Variants in HTR1F observed in about 807,000 individuals in gnomAD.
HTR1F encodes the protein 5-hydroxytryptamine receptor 1F.
A neutral mutation model predicts 24.0 loss-of-function variants in HTR1F; 17 were observed. That is an observed-to-expected ratio of 0.71 (90% confidence interval 0.48 to 1.06). The LOEUF (loss-of-function observed/expected upper bound fraction) is 1.06. Among genes scored for constraint, HTR1F ranks in the 50% least tolerant of loss-of-function variants. The pLI, the probability that HTR1F is intolerant of heterozygous loss-of-function variation, is 0.00. For missense variants in HTR1F, 391 were observed against 427.8 expected (o/e 0.91, Z 0.76); for synonymous variants, 186 against 156.8 (o/e 1.19, Z -1.39).
chr3:87,865,961 T>C (rs1164104753), intron 2 of HTR1F, among the ~76,000 whole-genome samples: 1 of 152,130 alleles, frequency 6.6e-6, no homozygotes, highest in East Asian at 1.9e-4. Context: ...TCACCAGCAA[T>C]GAATGAGGGT....
chr3:87,825,606 T>C (rs533197396), intron 2 of HTR1F, among the ~76,000 whole-genome samples: 30 of 152,314 alleles, frequency 2.0e-4, no homozygotes, highest in African/African-American at 7.0e-4. Context: ...AAAATATTTC[T>C]GGGATTTATG....
At chr3:87,812,704 C>T (rs1704181912) in intron 1 of HTR1F, among the ~76,000 whole-genome samples, 1 of 152,078 alleles carries the variant, frequency 6.6e-6, no homozygotes, top group African/African-American at 2.4e-5. Context: ...GTCTAGAGAC[C>T]TAGGAGGGAA....
intron 2 of HTR1F, among the ~76,000 whole-genome samples, chr3:87,981,930 CCTT>C (rs1022779525): frequency 3.2e-5 from 4 of 123,268 alleles, no homozygotes; most frequent in African/African-American, 8.8e-5. Flanking sequence ...AATAAGAATG[CCTT>C]CTTCTTTCTT....
chr3:87,823,507 T>C (rs1704400472), intron 2 of HTR1F, among the ~76,000 whole-genome samples: 1 of 143,526 alleles, frequency 7.0e-6, no homozygotes, highest in African/African-American at 2.7e-5. Flanking sequence ...TTTTCTCAAC[T>C]GGTCCCATAT....
At chr3:87,792,876 G>A (rs1000693666) in intron 1 of HTR1F, among the ~76,000 whole-genome samples, 34 bp downstream of exon 1, 2 of 152,216 alleles carry the variant, frequency 1.3e-5, no homozygotes, top group Non-Finnish European at 2.9e-5. Context: ...GCCCGGGAGT[G>A]CGGGTCACGC....
At chr3:87,850,873 C>T (rs1185313911) in intron 2 of HTR1F, among the ~76,000 whole-genome samples, 1 of 150,252 alleles carries the variant, frequency 6.7e-6, no homozygotes, top group African/African-American at 2.4e-5. Flanking sequence ...AGGTATTGCT[C>T]TCTTCTGGAA....
intron 2 of HTR1F, among the ~76,000 whole-genome samples, chr3:87,887,071 A>C (rs1705965464): frequency 6.6e-6 from 1 of 152,210 alleles, no homozygotes; most frequent in South Asian, 2.1e-4. Flanking sequence ...CCTGACTTCA[A>C]ACTATACTAC....
intron 2 of HTR1F, among the ~76,000 whole-genome samples, chr3:87,850,499 C>A (rs1705061595): frequency 6.6e-6 from 1 of 151,578 alleles, no homozygotes; most frequent in South Asian, 2.1e-4. Flanking sequence ...AGGAGATATA[C>A]CTAATGTAAA....
chr3:87,820,175 A>ATTTTT (rs1370534998), intron 1 of HTR1F, among the ~76,000 whole-genome samples: 15 of 130,644 alleles, frequency 1.1e-4, no homozygotes, highest in Non-Finnish European at 2.3e-4. Flanking sequence ...ATCATGACCC[A>ATTTTT]TTTTTTTTTT....
In HTR1F at chr3:87,991,672, CT is replaced by C. The variant is rs748579647; in HGVS notation, c.930del (p.Phe310LeufsTer2). ...GGTGCATTTGTAATATGTTGGCTTC[CT>C]TTTTTTGTAAAAGAATTAGTTGTTA... ...ILGAFVICWLPFFVKELVVNV... is the reference protein window; with the variant it reads ...ILGAFVICWLXFFVKELVVNV... On this transcript the variant is annotated frameshift_variant, in exon 3 of 3. Coordinates refer to ENST00000319595, the MANE Select transcript of HTR1F (RefSeq NM_001322209.2). LOFTEE classifies it high-confidence loss of function. 3.1e-6 allele frequency: 5 copies of C among 1,613,078 alleles called. No homozygotes were observed. Among genetic ancestry groups the C allele is most frequent in the Non-Finnish European group, 4.2e-6 (5 of 1,179,600 alleles).
intron 2 of HTR1F, among the ~76,000 whole-genome samples, chr3:87,894,079 T>C (rs1248456355): frequency 6.6e-6 from 1 of 151,992 alleles, no homozygotes; most frequent in Admixed American, 6.6e-5. Flanking sequence ...TACCACCAAA[T>C]AAGTAAGTTC....
At chr3:87,985,249 C>T (rs559482010) in intron 2 of HTR1F, among the ~76,000 whole-genome samples, 30 of 152,044 alleles carry the variant, frequency 2.0e-4, no homozygotes, top group Middle Eastern at 3.4e-3. Flanking sequence ...GCTGACGAAT[C>T]GCTTGAACCC....
chr3:87,820,872 G>T (rs1704346827), intron 1 of HTR1F, among the ~76,000 whole-genome samples: 1 of 152,116 alleles, frequency 6.6e-6, no homozygotes, highest in Admixed American at 6.6e-5. Flanking sequence ...ATTAACTCAG[G>T]TAAATCAAAT....
chr3:87,984,199 A>C (rs1020473617), intron 2 of HTR1F, among the ~76,000 whole-genome samples: 2 of 152,202 alleles, frequency 1.3e-5, no homozygotes, highest in African/African-American at 2.4e-5. Context: ...CTGTACCTGC[A>C]AAGGCTTTCC....
chr3:87,897,230 A>T (rs59362358), intron 2 of HTR1F, among the ~76,000 whole-genome samples: 2,374 of 131,976 alleles, frequency 0.018, 50 homozygotes, highest in African/African-American at 0.073. Flanking sequence ...TATATATATA[A>T]ATGTTTTATA....
intron 2 of HTR1F, among the ~76,000 whole-genome samples, chr3:87,827,054 G>C (rs777330850): frequency 1.5e-4 from 23 of 151,586 alleles, no homozygotes; most frequent in Non-Finnish European, 3.4e-4. Context: ...CAAGTCATCT[G>C]CCAGCTTCAG....
intron 2 of HTR1F, among the ~76,000 whole-genome samples, chr3:87,894,314 T>A (rs1355030352): frequency 2.7e-5 from 4 of 147,700 alleles, no homozygotes; most frequent in African/African-American, 1.0e-4. Flanking sequence ...TGGAGTGCGG[T>A]GGCACGATCA....
intron 2 of HTR1F, among the ~76,000 whole-genome samples, chr3:87,942,457 C>T (rs1372849559): frequency 3.3e-5 from 5 of 152,106 alleles, no homozygotes; most frequent in South Asian, 2.1e-4. Flanking sequence ...CATCGGCTGG[C>T]GCTTGCCCCG....
rs142788169 is a variant in HTR1F, at chr3:87,889,639, G to A, written c.-43+67515G>A. The stretch of plus-strand genomic sequence containing the variant: ...TAAAAGATCCTTTGAAAACAAGGCC[G>A]TCTTGCCTGATAATCCAAACTATAT... On this transcript the variant is annotated intron_variant, in intron 2 of 2. Transcript: ENST00000319595. Among the ~76,000 whole-genome samples, 408 of 152,190 alleles carry A rather than the reference G, an allele frequency of 2.7e-3. 1 individual carries two copies. The highest frequency in any genetic ancestry group is 9.1e-3 in the African/African-American group (378 of 41,544).
Sources: gnomAD v4.1 joint callset for allele counts (sites outside exome capture counted in the v4.1 genomes callset) on GRCh38, gnomAD v4.1.1 for gene constraint, MANE v1.5 for transcripts, NCBI Gene and HGNC (gene_info 2026-07-23, HGNC 2026-07-21) for gene names.